Variants in NKAIN1 observed in about 807,000 individuals in gnomAD.
NKAIN1 encodes sodium/potassium transporting ATPase interacting 1.
A neutral mutation model predicts 31.6 loss-of-function variants in NKAIN1; 13 were observed. The ratio of observed to expected loss-of-function variants is 0.41; its 90% CI spans 0.27 to 0.65. The LOEUF is 0.65. Among genes scored for constraint, NKAIN1 ranks in the 30% least tolerant of loss-of-function variants. The pLI, the probability that NKAIN1 is intolerant of heterozygous loss-of-function variation, is 0.30. For missense variants in NKAIN1, 193 were observed against 262.2 expected, an observed-to-expected ratio of 0.74 and a Z score of 1.82; for synonymous variants, 104 against 109.0, an observed-to-expected ratio of 0.95 and a Z score of 0.28.
chr1:31,232,821 A>G (rs6694542), intron 1 of NKAIN1, among the ~76,000 whole-genome samples: 78,617 of 151,690 alleles, frequency 0.52, 21,646 homozygotes, highest in Non-Finnish European at 0.61. Context: ...TTTCCCCTTG[A>G]TGACTACTCT....
intron 1 of NKAIN1, among the ~76,000 whole-genome samples, chr1:31,197,667 C>T (rs1357287119): frequency 6.6e-6 from 1 of 151,024 alleles, no homozygotes; most frequent in Non-Finnish European, 1.5e-5. Context: ...CTGCCTCAGC[C>T]TCTGGAGTAG....
intron 1 of NKAIN1, among the ~76,000 whole-genome samples, chr1:31,198,957 G>A (rs890765807): frequency 2.0e-5 from 3 of 152,214 alleles, no homozygotes; most frequent in Non-Finnish European, 2.9e-5. Flanking sequence ...AGGTAGCGTA[G>A]GGCCCAGGCT....
chr1:31,231,136 G>A (rs1428286192), intron 1 of NKAIN1, among the ~76,000 whole-genome samples: 2 of 151,706 alleles, frequency 1.3e-5, no homozygotes, highest in East Asian at 1.9e-4. Context: ...CACCCGCCTC[G>A]GCCTCCCAGA....
chr1:31,197,441 T>G (rs1280103316), intron 1 of NKAIN1, among the ~76,000 whole-genome samples: 2 of 152,034 alleles, frequency 1.3e-5, no homozygotes, highest in East Asian at 3.9e-4. Flanking sequence ...AGAGATGGGG[T>G]TTCACCATGT....
At chr1:31,214,493 T>G (rs918243526) in intron 1 of NKAIN1, among the ~76,000 whole-genome samples, 8 of 151,754 alleles carry the variant, frequency 5.3e-5, no homozygotes, top group African/African-American at 1.7e-4. Context: ...CAGAAACGGA[T>G]CTTGGCCTCA....
At chr1:31,201,700 G>C (rs749368046) in intron 1 of NKAIN1, among the ~76,000 whole-genome samples, 2 of 152,178 alleles carry the variant, frequency 1.3e-5, no homozygotes, top group Non-Finnish European at 2.9e-5. Context: ...CTGAGGCCCA[G>C]AGCAGTGGCA....
intron 2 of NKAIN1, 41 bp from the exon 3 acceptor site, chr1:31,185,368 G>A (rs760539771): frequency 2.0e-6 from 3 of 1,515,812 alleles, no homozygotes; most frequent in African/African-American, 2.7e-5. Context: ...GGCCTGGGGA[G>A]TGGGGGATGG....
chr1:31,183,592 G>T (rs1372016851), intron 4 of NKAIN1, among the ~76,000 whole-genome samples: 1 of 151,870 alleles, frequency 6.6e-6, no homozygotes, highest in Non-Finnish European at 1.5e-5. Flanking sequence ...GGGATTACAG[G>T]CATGTGCCAC....
At chr1:31,196,531 A>T in intron 1 of NKAIN1, among the ~76,000 whole-genome samples, 1 of 141,132 alleles carries the variant, frequency 7.1e-6, no homozygotes, top group East Asian at 2.1e-4. Flanking sequence ...AAAAAAAAAT[A>T]GAAAAATTAG....
intron 1 of NKAIN1, among the ~76,000 whole-genome samples, chr1:31,205,646 C>T (rs1445311936): frequency 9.0e-6 from 1 of 110,592 alleles, no homozygotes; most frequent in Non-Finnish European, 1.7e-5. Flanking sequence ...GAGATGGAGT[C>T]TCACTCTGTC....
intron 3 of NKAIN1, among the ~76,000 whole-genome samples, chr1:31,184,335 T>C (rs746807314): frequency 6.6e-6 from 1 of 152,164 alleles, no homozygotes; most frequent in Non-Finnish European, 1.5e-5. Flanking sequence ...GCTCCCCCTG[T>C]GTGCGACCCT....
chr1:31,227,387 G>A (rs974624578), intron 1 of NKAIN1, among the ~76,000 whole-genome samples: 1 of 152,198 alleles, frequency 6.6e-6, no homozygotes, highest in African/African-American at 2.4e-5. Context: ...CAAGACCTGG[G>A]TTTGCGCAGC....
intron 1 of NKAIN1, among the ~76,000 whole-genome samples, chr1:31,214,269 A>C (rs893186075): frequency 6.6e-6 from 1 of 151,966 alleles, no homozygotes; most frequent in Admixed American, 6.6e-5. Flanking sequence ...GGTTGCCAGA[A>C]GCTGGTGGCA....
intron 6 of NKAIN1, 50 bp downstream of exon 6, chr1:31,181,810 G>C (rs769610310): frequency 6.4e-7 from 1 of 1,570,616 alleles, no homozygotes; most frequent in Admixed American, 1.9e-5. Flanking sequence ...CCTCCTTTTC[G>C]CAACCCCGAC....
chr1:31,212,404 T>TTC (rs768681611), intron 1 of NKAIN1, among the ~76,000 whole-genome samples: 12 of 55,072 alleles, frequency 2.2e-4, no homozygotes, highest in Admixed American at 6.3e-4. Flanking sequence ...AATAGTTTCT[T>TTC]TTTTTTTTTT....
At chr1:31,211,043 C>T (rs10798828) in intron 1 of NKAIN1, among the ~76,000 whole-genome samples, 114,035 of 152,132 alleles carry the variant, frequency 0.75, 43,264 homozygotes, top group Middle Eastern at 0.9. Context: ...AAGCCACAGC[C>T]GACATCATAC....
In NKAIN1 at chr1:31,235,481, G is replaced by A. The variant is rs144401367; in HGVS notation, c.54+4013C>T. Among the ~76,000 whole-genome samples, 801 of 152,194 alleles carry A rather than the reference G, an allele frequency of 5.3e-3. 3 individuals are homozygous for A. The highest frequency in any genetic ancestry group is 0.01 in the Admixed American group (159 of 15,282). The stretch of plus-strand genomic sequence containing the variant: ...TGTTGTCCCAGCTATTTGAGAGGCC[G>A]AGGTAGGAGGATCACTTGAGCTCAG... On this transcript the variant is annotated intron_variant, in intron 1 of 6. Coordinates refer to ENST00000373736, the MANE Select transcript of NKAIN1 (RefSeq NM_024522.3).
chr1:31,186,885 C>T (rs1008579690), intron 2 of NKAIN1, among the ~76,000 whole-genome samples: 11 of 152,184 alleles, frequency 7.2e-5, no homozygotes, highest in Non-Finnish European at 2.9e-5. Context: ...TCCCACATCC[C>T]GAATGTGGCC....
chr1:31,216,000 G>C (rs535954379), intron 1 of NKAIN1, among the ~76,000 whole-genome samples: 2 of 152,072 alleles, frequency 1.3e-5, no homozygotes. Flanking sequence ...GAGCTGGAGT[G>C]GGGGCACAGC....
Sources: gnomAD v4.1 joint callset for allele counts (sites outside exome capture counted in the v4.1 genomes callset) on GRCh38, gnomAD v4.1.1 for gene constraint, MANE v1.5 for transcripts, NCBI Gene and HGNC (gene_info 2026-07-23, HGNC 2026-07-21) for gene names.